KDM2B: variants seen among roughly 807,000 people sequenced by gnomAD.
The protein encoded by KDM2B is lysine demethylase 2B, also known as lysine-specific demethylase 2B.
KDM2B carries 26 observed loss-of-function variants against 150.0 expected under a neutral mutation model. The observed-to-expected ratio is 0.17, with a 90% CI of 0.13 to 0.24. The LOEUF (loss-of-function observed/expected upper bound fraction) is 0.24, where lower values mean the gene tolerates loss of function less well. Among genes scored for constraint, KDM2B ranks in the 10% least tolerant of loss-of-function variants. KDM2B has a pLI of 1.00. For missense variants in KDM2B, 1,265 were observed against 1,816.9 expected (o/e 0.70, Z 5.52); for synonymous variants, 734 against 729.5 (o/e 1.01, Z -0.10).
At chr12:121,435,325 G>T (rs1873809501) in intron 22 of KDM2B, among the ~76,000 whole-genome samples, 1 of 152,128 alleles carries the variant, frequency 6.6e-6, no homozygotes, top group South Asian at 2.1e-4. Flanking sequence ...TCTAATTTTG[G>T]AAGCTGGAGA....
intron 22 of KDM2B, among the ~76,000 whole-genome samples, chr12:121,433,572 T>C (rs1873426609): frequency 6.6e-6 from 1 of 152,184 alleles, no homozygotes; most frequent in South Asian, 2.1e-4. Flanking sequence ...CTATAAAGCA[T>C]TGCTGAAAAA....
chr12:121,541,516 G>C (rs1555309791), intron 6 of KDM2B, among the ~76,000 whole-genome samples: 1 of 151,000 alleles, frequency 6.6e-6, no homozygotes, highest in Non-Finnish European at 1.5e-5. Context: ...AAAAAAGAAA[G>C]CCTTGCTGGA....
At position 121,494,676 on chromosome 12, in the gene KDM2B, A is replaced by G; in HGVS notation, c.1648-11T>C. The G allele has an allele frequency of 6.2e-7, 1 of 1,605,800 alleles. No homozygotes were observed. The highest frequency in any genetic ancestry group is 8.5e-7 in the Non-Finnish European group (1 of 1,175,644). On this transcript the variant is annotated splice_polypyrimidine_tract_variant and intron_variant, in intron 11 of 22. Transcript: ENST00000377071. ...CTCCTTCAGGACGTTCTGTGGCCAA[A>G]CAAAGCATCCATATTAGCCCAGGGG...
intron 11 of KDM2B, among the ~76,000 whole-genome samples, chr12:121,508,246 C>G (rs1209913204): frequency 6.6e-6 from 1 of 151,970 alleles, no homozygotes; most frequent in African/African-American, 2.4e-5. Flanking sequence ...GCCACTATGC[C>G]TGGCTAAATT....
intron 12 of KDM2B, among the ~76,000 whole-genome samples, chr12:121,454,550 C>T (rs533729336): frequency 6.6e-6 from 1 of 152,200 alleles, no homozygotes; most frequent in Non-Finnish European, 1.5e-5. Flanking sequence ...CAGAGGTCCC[C>T]TGTCCACCTG....
intron 12 of KDM2B, among the ~76,000 whole-genome samples, chr12:121,454,668 C>T (rs1213467386): frequency 6.6e-6 from 1 of 152,166 alleles, no homozygotes; most frequent in Non-Finnish European, 1.5e-5. Flanking sequence ...CAGGGAGACA[C>T]GTGGTCACCC....
chr12:121,556,979 C>T (rs1889947543), intron 4 of KDM2B, among the ~76,000 whole-genome samples: 1 of 151,956 alleles, frequency 6.6e-6, no homozygotes, highest in African/African-American at 2.4e-5. Context: ...AAGATTATGA[C>T]CCAGATCGAA....
rs782426654 is a variant in KDM2B at position 121,549,026 on chromosome 12, G to A, written c.577-43C>T. ...GTGAGCACTGCATTTCTCCACTGCC[G>A]AGCCAGACACAAATACCCCTTTCCC... On this transcript the variant is annotated intron_variant, in intron 5 of 22. Coordinates refer to ENST00000377071, the MANE Select transcript of KDM2B (RefSeq NM_032590.5). This position sits in a 1 kb window ranked among gnomAD's most constrained non-coding sequence, Gnocchi z 4.4. The A allele has an allele frequency of 9.3e-6, 14 of 1,506,408 alleles. No homozygotes were observed. Among genetic ancestry groups the A allele is most frequent in the Middle Eastern group, 1.7e-4 (1 of 5,846 alleles). 93.3% of individuals were successfully genotyped at this position (1,506,408 alleles called of 1,614,324 possible). A position where few individuals can be genotyped will look rare whatever the true frequency, so the allele number is the denominator to read the frequency against.
At chr12:121,489,805 G>C (rs1883167396) in intron 12 of KDM2B, among the ~76,000 whole-genome samples, 1 of 152,190 alleles carries the variant, frequency 6.6e-6, no homozygotes, top group African/African-American at 2.4e-5. Flanking sequence ...GCTACGTCAA[G>C]TGCGGGGGCC....
At chr12:121,504,848 G>A (rs1884902844) in intron 11 of KDM2B, among the ~76,000 whole-genome samples, 2 of 152,082 alleles carry the variant, frequency 1.3e-5, no homozygotes, top group Non-Finnish European at 2.9e-5. Flanking sequence ...CGAGCGCGGT[G>A]GCTCACGCCT....
chr12:121,443,377 A>T, intron 17 of KDM2B: 1 of 577,920 alleles, frequency 1.7e-6, no homozygotes, highest in Non-Finnish European at 3.1e-6. Context: ...GAATGGCTAG[A>T]GCTGGGAGAG....
chr12:121,487,709 T>C (rs372939753), intron 12 of KDM2B, among the ~76,000 whole-genome samples: 345 of 151,770 alleles, frequency 2.3e-3, no homozygotes, highest in African/African-American at 8.0e-3. Context: ...CAGGGGCACA[T>C]TCTCAGGCAA....
At chr12:121,420,302 G>A in the KDM2B span, 2 of 1,584,618 alleles carry the variant, frequency 1.3e-6, no homozygotes, top group Non-Finnish European at 1.7e-6. Context: ...TGATGAGGAT[G>A]ATGATGATGA....
chr12:121,509,624 G>A lies in KDM2B; in HGVS notation c.1590C>T (p.Asn530=). The A allele has an allele frequency of 1.2e-6, 2 of 1,613,842 alleles. No homozygotes were observed. Among genetic ancestry groups the A allele is most frequent in the Non-Finnish European group, 1.7e-6 (2 of 1,180,000 alleles). The stretch of plus-strand genomic sequence containing the variant: ...CGATGCCCTCGGGGACACACTTCTT[G>A]TTCTCCGGGAGGGATTCCAGTTTCT... The part of the protein sequence containing the change: ...LVEKLESLPE[N]KKCVPEGIED... Residue 530 remains asparagine, a synonymous_variant, in exon 11 of 23, where the codon AAC becomes AAT. Transcript: ENST00000377071.
chr12:121,417,900 G>C, the KDM2B span: 1 of 1,613,844 alleles, frequency 6.2e-7, no homozygotes, highest in East Asian at 2.2e-5. The surrounding 1 kb of genome is among the most constrained non-coding windows in gnomAD (Gnocchi z 5.0). Flanking sequence ...CAGATCTGGA[G>C]TGCCGGCACA....
At chr12:121,440,755 A>C in intron 21 of KDM2B, 61 bp downstream of exon 21, 1 of 1,458,426 alleles carries the variant, frequency 6.9e-7, no homozygotes, top group South Asian at 1.3e-5. Context: ...GGGTAAAAGC[A>C]GATCCAACAG....
the KDM2B span, chr12:121,416,147 G>C: frequency 1.1e-5 from 17 of 1,611,112 alleles, no homozygotes; most frequent in Non-Finnish European, 1.4e-5. Flanking sequence ...TGGGATTTGT[G>C]TTCCTTTTTA....
chr12:121,497,742 G>T (rs934064749), intron 11 of KDM2B, among the ~76,000 whole-genome samples: 1 of 152,134 alleles, frequency 6.6e-6, no homozygotes, highest in African/African-American at 2.4e-5. Context: ...AGAGAAGACT[G>T]ATGAGACTAA....
chr12:121,542,711 A>G (rs1888705567), intron 6 of KDM2B, among the ~76,000 whole-genome samples: 1 of 152,236 alleles, frequency 6.6e-6, no homozygotes, highest in Non-Finnish European at 1.5e-5. Flanking sequence ...TGCAGGGTAC[A>G]GATGAAGAAA....
Sources: allele counts gnomAD v4.1 joint callset (sites outside exome capture counted in the v4.1 genomes callset), GRCh38; gene constraint gnomAD v4.1.1; non-coding constraint Gnocchi (gnomAD v3.1); transcripts MANE v1.5; gene names NCBI Gene and HGNC (gene_info 2026-07-23, HGNC 2026-07-21).